The following WASF3 variants were observed in gnomAD, a reference collection of about 807,000 sequenced individuals.
WASF3 encodes actin-binding protein WASF3.
Under a neutral mutation model 46.6 loss-of-function variants are expected in WASF3, and 11 were observed. The observed-to-expected ratio is 0.24, with a 90% CI of 0.15 to 0.39. WASF3 has a LOEUF of 0.39. WASF3 is among the 10% of genes least tolerant of loss of function. The pLI, the probability that WASF3 is intolerant of heterozygous loss-of-function variation, is 1.00. For missense variants in WASF3, 576 were observed against 669.8 expected (o/e 0.86, Z 1.55); for synonymous variants, 242 against 259.7 (o/e 0.93, Z 0.65).
At chr13:26,639,109 T>TAGC (rs1407395852) in intron 2 of WASF3, among the ~76,000 whole-genome samples, 1 of 152,208 alleles carries the variant, frequency 6.6e-6, no homozygotes, top group Non-Finnish European at 1.5e-5. Flanking sequence ...GTACTCTGTA[T>TAGC]AGCACCACTA....
intron 2 of WASF3, among the ~76,000 whole-genome samples, chr13:26,636,962 G>A (rs1356627515): frequency 2.6e-5 from 4 of 152,122 alleles, no homozygotes; most frequent in South Asian, 2.1e-4. Context: ...GAACTTCACC[G>A]CAGTTGCCAG....
intron 1 of WASF3, among the ~76,000 whole-genome samples, chr13:26,575,738 A>G (rs1265750744): frequency 6.6e-6 from 1 of 152,080 alleles, no homozygotes; most frequent in Non-Finnish European, 1.5e-5. Context: ...GTATTTATTT[A>G]TTTGAGACAG....
upstream of WASF3, among the ~76,000 whole-genome samples, chr13:26,556,547 C>A (rs1395004530): frequency 6.6e-6 from 1 of 152,160 alleles, no homozygotes; most frequent in Non-Finnish European, 1.5e-5. Context: ...GAATATACGT[C>A]ATCTTTAAAA....
intron 1 of WASF3, among the ~76,000 whole-genome samples, chr13:26,568,614 GTGGCTTTTAGGTCACA>G (rs1879543621): frequency 6.6e-6 from 1 of 152,174 alleles, no homozygotes; most frequent in Non-Finnish European, 1.5e-5. Flanking sequence ...GAGTGGTTTG[GTGGCTTTTAGGTCACA>G]TGCCAGTGCC....
At chr13:26,662,376 G>A (rs1009085001) in intron 3 of WASF3, among the ~76,000 whole-genome samples, 4 of 152,182 alleles carry the variant, frequency 2.6e-5, no homozygotes, top group African/African-American at 9.7e-5. Flanking sequence ...AGTGCTGTTT[G>A]CAGTAAGAAA....
In WASF3 at chr13:26,619,789, T is replaced by C. The variant is rs182490748; in HGVS notation, c.-11+6731T>C. Among the ~76,000 whole-genome samples, 346 of 152,250 alleles carry C rather than the reference T, an allele frequency of 2.3e-3. 2 individuals carry two copies. The highest frequency in any genetic ancestry group is 4.3e-3 in the Non-Finnish European group (292 of 68,002). On this transcript the variant is annotated intron_variant, in intron 2 of 9. Coordinates refer to ENST00000335327, the MANE Select transcript of WASF3 (RefSeq NM_006646.6). ...AGAGCTGACTCTTAATGACAAATGA[T>C]CAGGTGCTTAGAGGGTTAAGAATGG... is the stretch of plus-strand genomic sequence containing the variant.
chr13:26,584,916 A>T (rs1238598957), intron 1 of WASF3, among the ~76,000 whole-genome samples: 1 of 152,184 alleles, frequency 6.6e-6, no homozygotes, highest in Non-Finnish European at 1.5e-5. Flanking sequence ...TACTCTGCTG[A>T]TAGTTCTGAT....
intron 3 of WASF3, among the ~76,000 whole-genome samples, chr13:26,645,145 T>C (rs1566061419): frequency 6.6e-6 from 1 of 152,232 alleles, no homozygotes; most frequent in Non-Finnish European, 1.5e-5. Context: ...CTCATTGTAA[T>C]GGTCTTTAGA....
intron 3 of WASF3, among the ~76,000 whole-genome samples, chr13:26,664,784 C>CA (rs1246152461): frequency 6.6e-6 from 1 of 152,200 alleles, no homozygotes; most frequent in African/African-American, 2.4e-5. Context: ...GCTCATGTAG[C>CA]AATAAAGATT....
At position 26,681,213 on chromosome 13, in the gene WASF3, G is replaced by A. The variant is rs201428154; in HGVS notation, c.876G>A (p.Ser292=). The A allele has an allele frequency of 1.7e-5, 27 of 1,613,878 alleles. No homozygotes were observed. The South Asian group carries it at 2.0e-4, about 12-fold the overall frequency. ...ATGAGTACCGGCCCCCATCTGCCTCGGCGAGGCACATGGCCCTCAACAGAC... is the reference window on the plus strand; with the variant it reads ...ATGAGTACCGGCCCCCATCTGCCTCAGCGAGGCACATGGCCCTCAACAGAC... ...AEHEYRPPSA[S]ARHMALNRPQ... The change falls in exon 8 of 10, where the codon TCG becomes TCA. Residue 292 remains serine (S), a synonymous_variant. Transcript: ENST00000335327.
intron 3 of WASF3, among the ~76,000 whole-genome samples, chr13:26,655,710 A>G (rs185525702): frequency 8.0e-4 from 122 of 152,074 alleles, no homozygotes; most frequent in Non-Finnish European, 1.3e-3. Context: ...TTATTTCCCT[A>G]TTTATTTACT....
At chr13:26,633,590 C>T (rs1317099696) in intron 2 of WASF3, among the ~76,000 whole-genome samples, 2 of 152,222 alleles carry the variant, frequency 1.3e-5, no homozygotes, top group African/African-American at 2.4e-5. Flanking sequence ...GTTAGGGTGT[C>T]GATTTTAGAT....
intron 1 of WASF3, among the ~76,000 whole-genome samples, chr13:26,576,143 G>A (rs1879789169): frequency 6.6e-6 from 1 of 151,828 alleles, no homozygotes. Context: ...CTTCAACTTT[G>A]ACCCTTTATA....
At chr13:26,597,381 C>T (rs192340352) in intron 1 of WASF3, among the ~76,000 whole-genome samples, 83 of 152,320 alleles carry the variant, frequency 5.4e-4, no homozygotes, top group African/African-American at 1.6e-3. Context: ...GTGATCTGCC[C>T]GCCTGGGCCT....
intron 2 of WASF3, 82 bp from the exon 3 acceptor site, chr13:26,642,179 A>G (rs1443522595): frequency 7.2e-7 from 1 of 1,393,940 alleles, no homozygotes; most frequent in Admixed American, 2.7e-5. Context: ...CCTGGAAAAT[A>G]GTCAATTTTC....
chr13:26,573,558 T>C (rs979488569), intron 1 of WASF3, among the ~76,000 whole-genome samples: 1 of 152,184 alleles, frequency 6.6e-6, no homozygotes, highest in Non-Finnish European at 1.5e-5. Context: ...TCATTATCTC[T>C]CAGAAATTCA....
chr13:26,598,816 A>G (rs1463887114), intron 1 of WASF3, among the ~76,000 whole-genome samples: 1 of 152,112 alleles, frequency 6.6e-6, no homozygotes, highest in Non-Finnish European at 1.5e-5. Context: ...TACTCTTTCG[A>G]TGGCTTTCAG....
At chr13:26,574,079 T>C (rs1163407505) in intron 1 of WASF3, among the ~76,000 whole-genome samples, 1 of 152,258 alleles carries the variant, frequency 6.6e-6, no homozygotes, top group African/African-American at 2.4e-5. Flanking sequence ...AGTTTTGTTT[T>C]TGCACTGTGA....
chr13:26,632,981 C>T lies in WASF3; in HGVS notation c.-10-9280C>T, dbSNP rs555364388. 1.3e-4 allele frequency among the ~76,000 whole-genome samples: 20 copies of T among 152,084 alleles called. No individual in the cohort carries two copies. The East Asian group carries it at 1.9e-3, about 15-fold the overall frequency. The stretch of plus-strand genomic sequence containing the variant: ...CCATAGAGGTGTTTATAGTATTCTC[C>T]GATGGTAGTTTGTATTCCTGTGGGA... On this transcript the variant is annotated intron_variant, in intron 2 of 9. Coordinates refer to ENST00000335327, the MANE Select transcript of WASF3 (RefSeq NM_006646.6).
Sources: gnomAD v4.1 joint callset for allele counts (sites outside exome capture counted in the v4.1 genomes callset) on GRCh38, gnomAD v4.1.1 for gene constraint, MANE v1.5 for transcripts, NCBI Gene and HGNC (gene_info 2026-07-23, HGNC 2026-07-21) for gene names.